The following CREB5 variants were observed in gnomAD, a reference collection of about 807,000 sequenced individuals.
The protein encoded by CREB5 is cAMP responsive element binding protein 5, also known as cyclic AMP-responsive element-binding protein 5.
In CREB5, 19 loss-of-function variants were observed where a neutral mutation model predicts 57.1. The observed-to-expected ratio is 0.33, with a 90% CI of 0.23 to 0.49. The LOEUF is 0.49. CREB5 is among the 20% of genes least tolerant of loss of function. The pLI is 0.99. For synonymous variants in CREB5, 238 were observed against 238.3 expected, an observed-to-expected ratio of 1.00 and a Z score of 0.01; for missense variants, 579 against 671.6, an observed-to-expected ratio of 0.86 and a Z score of 1.52.
chr7:28,629,409 C>T (rs1017067091), intron 5 of CREB5, among the ~76,000 whole-genome samples: 4 of 152,190 alleles, frequency 2.6e-5, no homozygotes, highest in Admixed American at 6.5e-5. Flanking sequence ...TGCTGTTGGT[C>T]CCTGAATTCT....
At chr7:28,637,495 A>G (rs754241775) in intron 5 of CREB5, among the ~76,000 whole-genome samples, 1 of 152,216 alleles carries the variant, frequency 6.6e-6, no homozygotes, top group Non-Finnish European at 1.5e-5. Context: ...GAAAGAAACA[A>G]GTAAGATGCT....
At chr7:28,611,112 A>G (rs148948110) in intron 5 of CREB5, among the ~76,000 whole-genome samples, 34 of 152,176 alleles carry the variant, frequency 2.2e-4, no homozygotes, top group African/African-American at 7.7e-4. Context: ...GGAAGTTAAG[A>G]ATTTACCTGT....
At chr7:28,816,050 T>C (rs977451465) in intron 9 of CREB5, among the ~76,000 whole-genome samples, 2 of 124,694 alleles carry the variant, frequency 1.6e-5, no homozygotes, top group African/African-American at 6.4e-5. Context: ...GAAGCAAATA[T>C]ATACGCACAC....
Position 28,734,314 on chromosome 7 carries a change from T to C in CREB5, c.702+9982T>C, listed in dbSNP as rs904537788. ...TATAAACTAAACTTTTTGCCTTCAA[T>C]ACATAGAGGCAAAGGAATGTGTTAA... On this transcript the variant is annotated intron_variant, in intron 7 of 10. Coordinates refer to ENST00000357727, the MANE Select transcript of CREB5 (RefSeq NM_182898.4). 2.0e-5 allele frequency among the ~76,000 whole-genome samples: 3 copies of C among 151,442 alleles called. No individual in the cohort carries two copies. The East Asian group carries it at 5.8e-4, about 29-fold the overall frequency.
At chr7:28,368,253 A>C (rs972038886) in intron 1 of CREB5, among the ~76,000 whole-genome samples, 3 of 152,148 alleles carry the variant, frequency 2.0e-5, no homozygotes, top group African/African-American at 7.2e-5. Flanking sequence ...AGGGGAGGTG[A>C]GGAATGAAAA....
intron 7 of CREB5, among the ~76,000 whole-genome samples, chr7:28,790,579 T>C (rs993147124): frequency 6.6e-5 from 10 of 152,170 alleles, no homozygotes; most frequent in African/African-American, 2.2e-4. Context: ...CTCCTCTACT[T>C]TGAAAAAGAT....
intron 5 of CREB5, chr7:28,615,080 G>A (rs1273753379): frequency 6.6e-6 from 1 of 151,980 alleles, no homozygotes; most frequent in Non-Finnish European, 1.5e-5. Flanking sequence ...TATTTTTCAT[G>A]TGTAAAAACA....
intron 1 of CREB5, among the ~76,000 whole-genome samples, chr7:28,340,903 T>C (rs1371083971): frequency 3.9e-5 from 6 of 152,342 alleles, no homozygotes; most frequent in Middle Eastern, 3.4e-3. Context: ...TTGGCAGCAC[T>C]GAGGTCTAAT....
At chr7:28,479,620 C>T (rs573473132) in intron 1 of CREB5, among the ~76,000 whole-genome samples, 2 of 152,242 alleles carry the variant, frequency 1.3e-5, no homozygotes, top group South Asian at 4.1e-4. Context: ...ATATTTTTAC[C>T]CTGTGTTCAA....
chr7:28,633,252 G>T (rs1321552426), intron 5 of CREB5, among the ~76,000 whole-genome samples: 1 of 152,056 alleles, frequency 6.6e-6, no homozygotes, highest in East Asian at 1.9e-4. Context: ...CCACTCTATG[G>T]GATGCGTTTT....
chr7:28,560,883 C>CGCGCGCGTGCGTGCGCGTGTGT, intron 4 of CREB5, among the ~76,000 whole-genome samples: 1 of 17,260 alleles, frequency 5.8e-5, no homozygotes, highest in South Asian at 4.3e-3. Context: ...CGCGTGCGTG[C>CGCGCGCGTGCGTGCGCGTGTGT]GTGCGTGTGT....
intron 5 of CREB5, among the ~76,000 whole-genome samples, chr7:28,696,793 C>T (rs543668465): frequency 7.4e-5 from 11 of 148,062 alleles, no homozygotes; most frequent in Non-Finnish European, 1.5e-4. Context: ...CATACGTATA[C>T]GTATACGTAT....
At position 28,488,315 on chromosome 7, in the gene CREB5, C is replaced by T. The variant is rs374155222; in HGVS notation, c.75+69C>T. 8.3e-4 allele frequency: 1,184 copies of T among 1,421,206 alleles called. 9 individuals carry two copies. In the African/African-American group the frequency reaches 0.014, roughly 17 times the overall value. The allele number at this position is 1,421,206 out of a possible 1,614,324, so 88.0% of individuals were successfully genotyped here. On this transcript the variant is annotated intron_variant, in intron 2 of 10. Transcript: ENST00000357727. ...TTCCGAAAGGGAAGCAACTCTCACC[C>T]GGCAATCATGCCTGCCCTGGGCTTT...
At chr7:28,338,112 T>C (rs1250740717) in intron 1 of CREB5, among the ~76,000 whole-genome samples, 1 of 152,152 alleles carries the variant, frequency 6.6e-6, no homozygotes, top group Non-Finnish European at 1.5e-5. Flanking sequence ...TTTTAATTGG[T>C]TCATATTTTA....
intron 4 of CREB5, among the ~76,000 whole-genome samples, chr7:28,512,063 C>T (rs1792726661): frequency 6.6e-6 from 1 of 152,120 alleles, no homozygotes; most frequent in Non-Finnish European, 1.5e-5. Flanking sequence ...CAAGGATGAA[C>T]CCGGGTATTT....
intron 1 of CREB5, among the ~76,000 whole-genome samples, chr7:28,325,666 A>C (rs1397675621): frequency 1.3e-5 from 2 of 152,076 alleles, no homozygotes; most frequent in African/African-American, 4.8e-5. Flanking sequence ...TAATATGCCA[A>C]GGTCATCTTA....
chr7:28,660,074 T>C (rs574982203), intron 5 of CREB5, among the ~76,000 whole-genome samples: 3 of 152,272 alleles, frequency 2.0e-5, no homozygotes, highest in East Asian at 3.9e-4. Context: ...AAGAACTGCA[T>C]TGAAATGAGC....
intron 7 of CREB5, among the ~76,000 whole-genome samples, chr7:28,779,502 C>G (rs2299118): frequency 0.028 from 4,213 of 152,248 alleles, 169 homozygotes; most frequent in South Asian, 0.16. Context: ...GCCTGCCAAC[C>G]CTAACTGCCC....
At chr7:28,595,955 TATG>T (rs932784011) in intron 5 of CREB5, among the ~76,000 whole-genome samples, 5 of 152,290 alleles carry the variant, frequency 3.3e-5, no homozygotes, top group Middle Eastern at 3.4e-3. Context: ...TCTGGAGAAA[TATG>T]ATATTTGGTC....
Sources: gnomAD v4.1 joint callset for allele counts (sites outside exome capture counted in the v4.1 genomes callset) on GRCh38, gnomAD v4.1.1 for gene constraint, MANE v1.5 for transcripts, NCBI Gene and HGNC (gene_info 2026-07-23, HGNC 2026-07-21) for gene names.